The following GNG12 variants were observed in gnomAD, a reference collection of about 807,000 sequenced individuals.
GNG12 encodes G protein subunit gamma 12, also known as guanine nucleotide-binding protein G(I)/G(S)/G(O) subunit gamma-12.
For synonymous variants in GNG12, 28 were observed against 29.7 expected, an observed-to-expected ratio of 0.94 and a Z score of 0.19; for missense variants, 69 against 83.8, an observed-to-expected ratio of 0.82 and a Z score of 0.69.
intron 1 of GNG12, among the ~76,000 whole-genome samples, chr1:67,784,070 TG>T (rs1331360790): frequency 6.5e-4 from 99 of 151,304 alleles, no homozygotes; most frequent in African/African-American, 2.2e-3. Context: ...CCAACCCAAA[TG>T]TCCAACAATG....
intron 2 of GNG12, among the ~76,000 whole-genome samples, chr1:67,765,372 A>T (rs1646630038): frequency 6.6e-6 from 1 of 152,232 alleles, no homozygotes; most frequent in Non-Finnish European, 1.5e-5. Flanking sequence ...CACTTGAGGG[A>T]TGAAGATCTA....
chr1:67,764,553 A>G (rs967608761), intron 2 of GNG12, among the ~76,000 whole-genome samples: 1 of 152,198 alleles, frequency 6.6e-6, no homozygotes, highest in South Asian at 2.1e-4. Context: ...GATGTTGCTC[A>G]GCATTGCAAT....
At position 67,797,218 on chromosome 1, in the gene GNG12, C is replaced by T. The variant is rs141781100; in HGVS notation, c.-76-19711G>A. Among the ~76,000 whole-genome samples the T allele has an allele frequency of 2.8e-4, 43 of 152,276 alleles. 2 individuals carry two copies. In the East Asian group the frequency reaches 8.3e-3, roughly 29 times the overall value. ...CTGGCTCATTCTCAATGGGATTATA[C>T]CATCATGAGTTAAAAATTAAGTGAT... On this transcript the variant is annotated intron_variant, in intron 1 of 3. Transcript: ENST00000370982.
intron 2 of GNG12, among the ~76,000 whole-genome samples, chr1:67,746,802 T>C (rs1221321056): frequency 6.6e-6 from 1 of 152,220 alleles, no homozygotes; most frequent in Non-Finnish European, 1.5e-5. Flanking sequence ...AAACATTTAT[T>C]CTCTCAGAGT....
chr1:67,723,744 G>T (rs1646370008), intron 2 of GNG12, among the ~76,000 whole-genome samples: 1 of 152,212 alleles, frequency 6.6e-6, no homozygotes, highest in African/African-American at 2.4e-5. Context: ...GTTAATGGAG[G>T]AGTCAGCACT....
chr1:67,739,093 C>A (rs569609193), intron 2 of GNG12, among the ~76,000 whole-genome samples: 2 of 152,118 alleles, frequency 1.3e-5, no homozygotes, highest in African/African-American at 4.8e-5. Flanking sequence ...GCAAGAGAAT[C>A]GCTTGAACCT....
intron 2 of GNG12, among the ~76,000 whole-genome samples, chr1:67,759,438 T>C (rs1017832387): frequency 6.6e-6 from 1 of 152,226 alleles, no homozygotes; most frequent in Admixed American, 6.5e-5. Context: ...AATTCTGGAA[T>C]CAGGTAGGCC....
At chr1:67,729,493 G>C (rs553967654) in intron 2 of GNG12, among the ~76,000 whole-genome samples, 2 of 152,200 alleles carry the variant, frequency 1.3e-5, no homozygotes, top group South Asian at 4.1e-4. Context: ...AACCAGAGGT[G>C]ATTAGCCCTA....
chr1:67,710,202 A>G, intron 2 of GNG12, among the ~76,000 whole-genome samples: 1 of 33,046 alleles, frequency 3.0e-5, no homozygotes, highest in African/African-American at 6.3e-5. Context: ...TTATATATAT[A>G]TAGTTATATA....
At chr1:67,774,202 T>C (rs1467014200) in intron 2 of GNG12, among the ~76,000 whole-genome samples, 1 of 152,224 alleles carries the variant, frequency 6.6e-6, no homozygotes, top group Non-Finnish European at 1.5e-5. Flanking sequence ...GTTTTCCTTC[T>C]GGTACTGATT....
At position 67,705,100 on chromosome 1, in the gene GNG12, T is replaced by G. The variant is rs1454237347; in HGVS notation, c.*351A>C. 4 of 170,574 alleles carry G rather than the reference T, an allele frequency of 2.3e-5. No individual in the cohort carries two copies. The highest frequency in any genetic ancestry group is 7.2e-5 in the African/African-American group (3 of 41,708). 10.6% of individuals were successfully genotyped at this position (170,574 alleles called of 1,614,324 possible). A position where few individuals can be genotyped will look rare whatever the true frequency, so the allele number is the denominator to read the frequency against. ...TTTCAATGAATTTTGGAATTTTAAT[T>G]TGACAGGTGCTTAGGCCATTTAGGT... On this transcript the variant is annotated 3_prime_UTR_variant, in exon 4 of 4. Transcript: ENST00000370982.
At chr1:67,736,777 C>T (rs1354511072) in intron 2 of GNG12, among the ~76,000 whole-genome samples, 1 of 152,198 alleles carries the variant, frequency 6.6e-6, no homozygotes, top group Non-Finnish European at 1.5e-5. Flanking sequence ...GGGGAGTGGG[C>T]TCCAGACTGA....
In GNG12 at chr1:67,710,524, C is replaced by T. The variant is rs1646288975; in HGVS notation, c.-26-2812G>A. On this transcript the variant is annotated intron_variant, in intron 2 of 3. Coordinates refer to ENST00000370982, the MANE Select transcript of GNG12 (RefSeq NM_018841.6). ...TATCAGGACTGGACCAGTAATTGCT[C>T]CCACCCGGCATGGCCATTGGCAAGC... is the stretch of plus-strand genomic sequence containing the variant. Among the ~76,000 whole-genome samples, 5 of 152,064 alleles carry T rather than the reference C, an allele frequency of 3.3e-5. 1 individual carries two copies. The South Asian group carries it at 8.3e-4, about 25-fold the overall frequency.
intron 1 of GNG12, among the ~76,000 whole-genome samples, chr1:67,794,521 G>A (rs1224992324): frequency 6.6e-6 from 1 of 152,142 alleles, no homozygotes; most frequent in East Asian, 1.9e-4. Context: ...AATAAAGACG[G>A]TGGATCACAG....
At chr1:67,738,976 C>T (rs1005637327) in intron 2 of GNG12, among the ~76,000 whole-genome samples, 99 of 152,042 alleles carry the variant, frequency 6.5e-4, no homozygotes, top group African/African-American at 2.1e-3. Context: ...GTCAGGAGGT[C>T]GAGACCAGCC....
intron 2 of GNG12, among the ~76,000 whole-genome samples, chr1:67,763,117 G>GAGAGAGAGAGAGAGAGAC (rs1646616140): frequency 1.3e-5 from 2 of 151,680 alleles, no homozygotes; most frequent in African/African-American, 4.8e-5. Flanking sequence ...GAGAGAGAGA[G>GAGAGAGAGAGAGAGAGAC]AGAATCAATA....
intron 1 of GNG12, among the ~76,000 whole-genome samples, chr1:67,812,812 C>T (rs1646933247): frequency 1.3e-5 from 2 of 152,206 alleles, no homozygotes; most frequent in Non-Finnish European, 2.9e-5. Context: ...TCAAGAGGCA[C>T]AAGTGGCTGG....
chr1:67,743,292 T>C (rs1486668644), intron 2 of GNG12, among the ~76,000 whole-genome samples: 1 of 152,214 alleles, frequency 6.6e-6, no homozygotes, highest in African/African-American at 2.4e-5. Flanking sequence ...CTGAAGCTAG[T>C]ACCTGAAGCA....
chr1:67,727,042 T>C (rs367940271), intron 2 of GNG12, among the ~76,000 whole-genome samples: 2 of 152,242 alleles, frequency 1.3e-5, no homozygotes, highest in East Asian at 1.9e-4. Context: ...TAAATCTGCC[T>C]GTGCAGGTCA....
Sources: gnomAD v4.1 joint callset for allele counts (sites outside exome capture counted in the v4.1 genomes callset) on GRCh38, gnomAD v4.1.1 for gene constraint, MANE v1.5 for transcripts, NCBI Gene and HGNC (gene_info 2026-07-23, HGNC 2026-07-21) for gene names.